Variants in SLC7A2 observed in about 807,000 individuals in gnomAD.
The protein encoded by SLC7A2 is solute carrier family 7 member 2.
A neutral mutation model predicts 58.9 loss-of-function variants in SLC7A2; 48 were observed. The ratio of observed to expected loss-of-function variants is 0.82; its 90% confidence interval spans 0.65 to 1.04. The LOEUF is 1.04. SLC7A2 is among the 50% of genes least tolerant of loss of function. The probability of loss-of-function intolerance (pLI) is 0.00; values close to 1 mark genes in which losing one functional copy is unlikely to be tolerated. For missense variants in SLC7A2, 1,029 were observed against 818.8 expected, an observed-to-expected ratio of 1.26 and a Z score of -3.13; for synonymous variants, 363 against 314.5, an observed-to-expected ratio of 1.15 and a Z score of -1.63.
intron 2 of SLC7A2, chr8:17,520,866 A>G (rs188978178): frequency 8.1e-6 from 2 of 247,422 alleles, no homozygotes; most frequent in Admixed American, 6.5e-5. Flanking sequence ...ATACTGAAGA[A>G]AAAAGATATT....
chr8:17,531,498 T>G (rs1585218568), intron 2 of SLC7A2, among the ~76,000 whole-genome samples: 1 of 152,320 alleles, frequency 6.6e-6, no homozygotes, highest in East Asian at 1.9e-4. Context: ...TAATGCCTTT[T>G]ATTTTTATGA....
intron 2 of SLC7A2, among the ~76,000 whole-genome samples, chr8:17,505,171 C>A (rs1226536027): frequency 6.8e-6 from 1 of 147,534 alleles, no homozygotes; most frequent in Non-Finnish European, 1.5e-5. Context: ...TTCCCTCTGG[C>A]AATTTTGTGT....
In SLC7A2 at chr8:17,564,947, C is replaced by G; in HGVS notation, c.1781-3C>G. 1 of 1,567,596 alleles carries G rather than the reference C, an allele frequency of 6.4e-7. No individual in the cohort carries two copies. ...TTGATTTTTTTTTTTCCTGCCCCAA[C>G]AGGCTTCCTGATTTACTTTTCTTAT... On this transcript the variant is annotated splice_region_variant and splice_polypyrimidine_tract_variant and intron_variant, in intron 12 of 12. Coordinates refer to ENST00000494857, the MANE Select transcript of SLC7A2 (RefSeq NM_001370338.1).
intron 12 of SLC7A2, among the ~76,000 whole-genome samples, chr8:17,564,352 G>T (rs554452328): frequency 6.6e-6 from 1 of 152,128 alleles, no homozygotes; most frequent in Non-Finnish European, 1.5e-5. Flanking sequence ...TGAAAAACTT[G>T]TTGAGAGCAA....
At chr8:17,526,473 T>A (rs1801227126) in intron 2 of SLC7A2, among the ~76,000 whole-genome samples, 1 of 151,582 alleles carries the variant, frequency 6.6e-6, no homozygotes, top group African/African-American at 2.4e-5. Flanking sequence ...GAAGCCCGAG[T>A]TGGTGAGAGA....
chr8:17,552,037 G>A, intron 7 of SLC7A2, 51 bp downstream of exon 7: 2 of 1,467,638 alleles, frequency 1.4e-6, no homozygotes, highest in Non-Finnish European at 1.9e-6. Context: ...CTACAAAGTA[G>A]TCAGTGTCTA....
chr8:17,550,515 A>G (rs573739266), intron 6 of SLC7A2, 81 bp downstream of exon 6: 1 of 1,351,422 alleles, frequency 7.4e-7, no homozygotes, highest in African/African-American at 1.4e-5. Flanking sequence ...CAGAGGGTCC[A>G]GGAAAGAGAG....
intron 2 of SLC7A2, among the ~76,000 whole-genome samples, chr8:17,504,574 A>T (rs1410542516): frequency 2.0e-5 from 3 of 152,194 alleles, no homozygotes; most frequent in Non-Finnish European, 4.4e-5. Context: ...TTCTATATGC[A>T]TTCCTTAGAG....
rs138456382 is a variant in SLC7A2 at position 17,565,225 on chromosome 8, A to G, written c.*79A>G. 7.8e-5 allele frequency: 91 copies of G among 1,167,722 alleles called. No individual in the cohort carries two copies. In the African/African-American group the frequency reaches 1.3e-3, roughly 17 times the overall value. 72.3% of individuals were successfully genotyped at this position (1,167,722 alleles called of 1,614,324 possible). A position where few individuals can be genotyped will look rare whatever the true frequency, so the allele number is the denominator to read the frequency against. ...TAAACCGTAACGGGATGTCATCAGC[A>G]TGCTGGGTTGTCATGGGTTTGCTGC... On this transcript the variant is annotated 3_prime_UTR_variant, in exon 13 of 13. Transcript: ENST00000494857.
intron 2 of SLC7A2, among the ~76,000 whole-genome samples, chr8:17,503,499 G>A (rs533236852): frequency 1.2e-4 from 19 of 152,156 alleles, no homozygotes; most frequent in Non-Finnish European, 2.1e-4. Context: ...ATTCATACGC[G>A]GCGCTCATAG....
In SLC7A2 at chr8:17,567,160, G is replaced by A. The variant is rs1311198361; in HGVS notation, c.*2014G>A. On this transcript the variant is annotated 3_prime_UTR_variant, in exon 13 of 13. Transcript: ENST00000494857. ...CGTGGTTTACTGGAGAGAAGGAGTT[G>A]GATAAGCACAGGCTCGGGTATTTTG... 1 of 152,566 alleles carries A rather than the reference G, an allele frequency of 6.6e-6. No individual in the cohort carries two copies. The highest frequency in any genetic ancestry group is 1.5e-5 in the Non-Finnish European group (1 of 68,034). 9.5% of individuals were successfully genotyped at this position (152,566 alleles called of 1,614,324 possible). A position where few individuals can be genotyped will look rare whatever the true frequency, so the allele number is the denominator to read the frequency against.
At chr8:17,534,810 C>T (rs915882961) in intron 2 of SLC7A2, among the ~76,000 whole-genome samples, 2 of 151,832 alleles carry the variant, frequency 1.3e-5, no homozygotes, top group Admixed American at 1.3e-4. Flanking sequence ...AACTATATGG[C>T]ATGTAAAGTT....
intron 7 of SLC7A2, among the ~76,000 whole-genome samples, chr8:17,554,196 C>G (rs1363229410): frequency 6.6e-6 from 1 of 151,976 alleles, no homozygotes; most frequent in Non-Finnish European, 1.5e-5. Flanking sequence ...ATTTTATTTT[C>G]CAAGTTGTTG....
intron 2 of SLC7A2, among the ~76,000 whole-genome samples, chr8:17,540,497 C>T (rs1035892962): frequency 6.6e-6 from 1 of 151,972 alleles, no homozygotes; most frequent in Non-Finnish European, 1.5e-5. Context: ...AGACCTCCCC[C>T]CAACCCCTCC....
At chr8:17,526,800 G>A (rs1412643302) in intron 2 of SLC7A2, among the ~76,000 whole-genome samples, 1 of 152,188 alleles carries the variant, frequency 6.6e-6, no homozygotes, top group Non-Finnish European at 1.5e-5. Flanking sequence ...CTAAGAACAC[G>A]TTATGCCTAA....
intron 2 of SLC7A2, among the ~76,000 whole-genome samples, chr8:17,536,056 C>T (rs1027905229): frequency 6.6e-6 from 1 of 151,652 alleles, no homozygotes; most frequent in African/African-American, 2.4e-5. Flanking sequence ...TCCTTTCCTC[C>T]ATTACATGAA....
Position 17,543,611 on chromosome 8 carries a change from C to A in SLC7A2, c.272C>A (p.Ala91Asp). 10 of 1,601,554 alleles carry A rather than the reference C, an allele frequency of 6.2e-6. No individual in the cohort carries two copies. The highest frequency in any genetic ancestry group is 6.8e-6 in the Non-Finnish European group (8 of 1,174,116). Residue 91 changes from alanine (A) to aspartate (D), a missense_variant, in exon 3 of 13, where the codon GCC becomes GAC. Ala to Asp is a moderately radical substitution (Grantham distance 126). Coordinates refer to ENST00000494857, the MANE Select transcript of SLC7A2 (RefSeq NM_001370338.1). ...MAGLCYAEFGARVPKTGSAYL... is the reference protein window; with the variant it reads ...MAGLCYAEFGDRVPKTGSAYL... ...GGCCTCTGCTATGCCGAATTTGGGG[C>A]CCGTGTTCCCAAGACGGGGTCTGCA...
chr8:17,503,697 T>A (rs1051447793), intron 2 of SLC7A2, among the ~76,000 whole-genome samples: 36 of 152,206 alleles, frequency 2.4e-4, no homozygotes, highest in African/African-American at 8.2e-4. Context: ...CATGATAATT[T>A]GTATCAATGT....
intron 10 of SLC7A2, among the ~76,000 whole-genome samples, chr8:17,561,588 G>T (rs1195616795): frequency 8.5e-5 from 13 of 152,176 alleles, no homozygotes; most frequent in Non-Finnish European, 1.8e-4. Context: ...AACCAGATGT[G>T]CCATTTCCCA....
Sources: allele counts gnomAD v4.1 joint callset (sites outside exome capture counted in the v4.1 genomes callset), GRCh38; gene constraint gnomAD v4.1.1; transcripts MANE v1.5; gene names NCBI Gene and HGNC (gene_info 2026-07-23, HGNC 2026-07-21).